Variants in LPP observed in about 807,000 individuals in gnomAD.
LPP encodes the protein lipoma-preferred partner.
LPP carries 38 observed loss-of-function variants against 60.4 expected under a neutral mutation model. That is an observed-to-expected ratio of 0.63 (90% CI 0.49 to 0.83). The LOEUF is 0.83. LPP is among the 40% of genes least tolerant of loss of function. LPP has a pLI of 0.00. For missense variants in LPP, 902 were observed against 783.6 expected, an observed-to-expected ratio of 1.15 and a Z score of -1.80; for synonymous variants, 328 against 290.8, an observed-to-expected ratio of 1.13 and a Z score of -1.30.
At chr3:188,304,563 A>T (rs1362207092) in intron 2 of LPP, among the ~76,000 whole-genome samples, 1 of 152,144 alleles carries the variant, frequency 6.6e-6, no homozygotes, top group East Asian at 1.9e-4. Flanking sequence ...TGCTTACCAT[A>T]AAGTTATATC....
At chr3:188,368,719 C>G (rs4011886) in intron 3 of LPP, among the ~76,000 whole-genome samples, 1,138 of 99,568 alleles carry the variant, frequency 0.011, 25 homozygotes, top group African/African-American at 0.031. Flanking sequence ...CACACACACA[C>G]AGAGAGAGAG....
At chr3:188,419,365 C>T (rs1787166432) in intron 4 of LPP, among the ~76,000 whole-genome samples, 1 of 152,110 alleles carries the variant, frequency 6.6e-6, no homozygotes, top group South Asian at 2.1e-4. Context: ...TACTGTACAG[C>T]TTCTATTTGT....
intron 2 of LPP, among the ~76,000 whole-genome samples, chr3:188,299,786 A>G (rs1302619576): frequency 1.3e-5 from 2 of 152,170 alleles, no homozygotes; most frequent in African/African-American, 2.4e-5. Flanking sequence ...AAATGGATGG[A>G]CATTGTAAAG....
chr3:188,594,953 CATT>C (rs1487225142), intron 6 of LPP, among the ~76,000 whole-genome samples: 1 of 152,070 alleles, frequency 6.6e-6, no homozygotes, highest in Non-Finnish European at 1.5e-5. Context: ...TTTTCTGAAA[CATT>C]ATAGCATAAC....
At chr3:188,843,568 A>C (rs28688809) in intron 9 of LPP, among the ~76,000 whole-genome samples, 45,550 of 150,686 alleles carry the variant, frequency 0.3, 8,474 homozygotes, top group East Asian at 0.84. Flanking sequence ...CGGGCGGATC[A>C]CGAGGTCAGG....
In LPP at chr3:188,845,135, A is replaced by G. The variant is rs193256369; in HGVS notation, c.1411-21065A>G. 5.9e-5 allele frequency among the ~76,000 whole-genome samples: 9 copies of G among 152,354 alleles called. No individual in the cohort carries two copies. The East Asian group carries it at 1.7e-3, about 29-fold the overall frequency. ...TTTAGAAGCTCCAGAATTTTTTACC[A>G]AATTGAGATTGGATTCAGGAAATCA... On this transcript the variant is annotated intron_variant, in intron 9 of 11. Coordinates refer to ENST00000617246, the MANE Select transcript of LPP (RefSeq NM_001375462.1).
intron 6 of LPP, among the ~76,000 whole-genome samples, chr3:188,570,539 C>G (rs1038657254): frequency 7.2e-5 from 11 of 152,128 alleles, no homozygotes; most frequent in African/African-American, 2.6e-4. Flanking sequence ...CAGAGAGTAC[C>G]AGATAGGACA....
rs546928740 is a variant in LPP, at chr3:188,754,085, GAT to G, written c.1241-6025_1241-6024del. 5.3e-4 allele frequency among the ~76,000 whole-genome samples: 81 copies of G among 152,280 alleles called. 3 individuals are homozygous for G. In the South Asian group the frequency reaches 0.016, roughly 31 times the overall value. ...CAGTTTGATGTATGATGTGATATGT[GAT>G]ATCTTACTTTACATGGCTAACAGTT... On this transcript the variant is annotated intron_variant, in intron 8 of 11. Transcript: ENST00000617246.
At chr3:188,240,815 A>G (rs2149458565) in intron 2 of LPP, among the ~76,000 whole-genome samples, 1 of 152,310 alleles carries the variant, frequency 6.6e-6, no homozygotes, top group Non-Finnish European at 1.5e-5. Flanking sequence ...CTGAGCAGAC[A>G]CACGAGCAGA....
intron 1 of LPP, among the ~76,000 whole-genome samples, chr3:188,203,485 ATTTTTAAATATATATAAAT>A (rs1560107252): frequency 1.2e-5 from 1 of 83,018 alleles, no homozygotes; most frequent in African/African-American, 4.8e-5. Context: ...ATATATATAT[ATTTTTAAATATATATAAAT>A]ATATATATTT....
At chr3:188,696,371 G>A (rs1863241939) in intron 7 of LPP, among the ~76,000 whole-genome samples, 1 of 152,126 alleles carries the variant, frequency 6.6e-6, no homozygotes, top group African/African-American at 2.4e-5. Flanking sequence ...TATGGCTCAT[G>A]CCTGTAATCC....
rs1450713910 is a variant in LPP, at chr3:188,237,667, T to G, written c.-67+12140T>G. Among the ~76,000 whole-genome samples the G allele has an allele frequency of 1.3e-5, 2 of 152,176 alleles. 1 individual carries two copies. Among genetic ancestry groups the G allele is most frequent in the Admixed American group, 1.3e-4 (2 of 15,270 alleles). ...AGAAATATTTTGAAAGGAATCTTTT[T>G]TTTTTCCCTCTTTTCTGAGCAGTAG... On this transcript the variant is annotated intron_variant, in intron 2 of 11. Transcript: ENST00000617246.
chr3:188,854,264 T>A (rs1408046699), intron 9 of LPP, among the ~76,000 whole-genome samples: 2 of 152,064 alleles, frequency 1.3e-5, no homozygotes, highest in African/African-American at 4.8e-5. Flanking sequence ...TTTGGCAGGG[T>A]GGGGGAGGAA....
chr3:188,790,354 G>A (rs1443907827), intron 9 of LPP, among the ~76,000 whole-genome samples: 1 of 151,996 alleles, frequency 6.6e-6, no homozygotes, highest in East Asian at 1.9e-4. Flanking sequence ...GTGTGCGTGT[G>A]TGTGTGTGTA....
chr3:188,486,407 G>C (rs748352122), intron 5 of LPP, among the ~76,000 whole-genome samples: 13 of 152,128 alleles, frequency 8.5e-5, no homozygotes, highest in Non-Finnish European at 1.6e-4. Context: ...AAATAAACAA[G>C]ATACGCACAT....
chr3:188,794,866 G>A lies in LPP; in HGVS notation c.1410+34584G>A, dbSNP rs144569647. Among the ~76,000 whole-genome samples, 67 of 152,252 alleles carry A rather than the reference G, an allele frequency of 4.4e-4. No homozygotes were observed. In the East Asian group the frequency reaches 8.9e-3, roughly 20 times the overall value. On this transcript the variant is annotated intron_variant, in intron 9 of 11. Coordinates refer to ENST00000617246, the MANE Select transcript of LPP (RefSeq NM_001375462.1). The stretch of plus-strand genomic sequence containing the variant: ...TAGAAGTAAATTTGAGGCCGGGTGC[G>A]GAGGCTCATGCCTGTAATCCCAGCA...
chr3:188,177,753 G>A (rs1649376856), intron 1 of LPP, among the ~76,000 whole-genome samples: 2 of 152,166 alleles, frequency 1.3e-5, no homozygotes, highest in Admixed American at 1.3e-4. Flanking sequence ...CATGAAAAGA[G>A]AAGTGCACAG....
Position 188,406,197 on chromosome 3 carries a change from C to T in LPP, c.77C>T (p.Thr26Ile). ...CATGTGCCTGCACGGATGGAGACCACCCATTCCTTTGGGAACCCCAGCATT... is the reference window on the plus strand; with the variant it reads ...CATGTGCCTGCACGGATGGAGACCATCCATTCCTTTGGGAACCCCAGCATT... ...LGHVPARMETTHSFGNPSISV... is the reference protein window; with the variant it reads ...LGHVPARMETIHSFGNPSISV... The change falls in exon 4 of 12, where the codon ACC becomes ATC. Residue 26 changes from threonine to isoleucine, a missense_variant. Transcript: ENST00000617246. 2 of 1,614,162 alleles carry T rather than the reference C, an allele frequency of 1.2e-6. No individual in the cohort carries two copies. The highest frequency in any genetic ancestry group is 1.7e-6 in the Non-Finnish European group (2 of 1,180,004).
intron 9 of LPP, among the ~76,000 whole-genome samples, chr3:188,832,020 T>A (rs566928592): frequency 6.6e-6 from 1 of 152,296 alleles, no homozygotes; most frequent in Non-Finnish European, 1.5e-5. Flanking sequence ...GACCTTAAAT[T>A]TTCTACATAG....
Sources: allele counts gnomAD v4.1 joint callset (sites outside exome capture counted in the v4.1 genomes callset), GRCh38; gene constraint gnomAD v4.1.1; transcripts MANE v1.5; gene names NCBI Gene and HGNC (gene_info 2026-07-23, HGNC 2026-07-21).